Variants in PKHD1 observed in about 807,000 individuals in gnomAD.
PKHD1 encodes the protein PKHD1 ciliary IPT domain containing fibrocystin/polyductin.
A neutral mutation model predicts 412.0 loss-of-function variants in PKHD1; 291 were observed. The ratio of observed to expected loss-of-function variants is 0.71; its 90% CI spans 0.64 to 0.78. The LOEUF (loss-of-function observed/expected upper bound fraction) is 0.78, where lower values mean the gene tolerates loss of function less well. PKHD1 is among the 30% of genes least tolerant of loss of function. The pLI is 0.00. For missense variants in PKHD1, 4,825 were observed against 4,950.7 expected, an observed-to-expected ratio of 0.97 and a Z score of 0.76; for synonymous variants, 1,777 against 1,821.5, an observed-to-expected ratio of 0.98 and a Z score of 0.62.
chr6:52,081,099 C>T (rs961584933), intron 4 of PKHD1, among the ~76,000 whole-genome samples: 8 of 151,970 alleles, frequency 5.3e-5, no homozygotes, highest in Admixed American at 2.0e-4. Context: ...ATTTGTCTTC[C>T]AATCAATTAG....
At chr6:51,671,154 G>A (rs9381999) in intron 60 of PKHD1, among the ~76,000 whole-genome samples, 75,553 of 151,690 alleles carry the variant, frequency 0.5, 21,566 homozygotes, top group Non-Finnish European at 0.65. Flanking sequence ...TTCCAACTTG[G>A]TTCCATTCTC....
At chr6:52,068,116 C>T (rs1810029999) in intron 11 of PKHD1, among the ~76,000 whole-genome samples, 1 of 152,176 alleles carries the variant, frequency 6.6e-6, no homozygotes, top group African/African-American at 2.4e-5. Flanking sequence ...TCTTGCTCCT[C>T]TACCTCTTTA....
intron 25 of PKHD1, among the ~76,000 whole-genome samples, chr6:52,044,570 A>T (rs574160165): frequency 2.6e-5 from 4 of 152,264 alleles, no homozygotes; most frequent in East Asian, 3.9e-4. Flanking sequence ...AACTTTATCA[A>T]ATTGAAAGTA....
At chr6:51,780,812 A>G (rs1267591011) in intron 53 of PKHD1, among the ~76,000 whole-genome samples, 1 of 152,158 alleles carries the variant, frequency 6.6e-6, no homozygotes, top group African/African-American at 2.4e-5. Context: ...TGATCAAAAG[A>G]GGGGAAACTG....
chr6:51,834,202 G>C (rs1053629646), intron 51 of PKHD1, among the ~76,000 whole-genome samples: 4 of 152,126 alleles, frequency 2.6e-5, no homozygotes, highest in African/African-American at 9.7e-5. Context: ...AAGCCAGTAA[G>C]GAAAGAAAGG....
chr6:51,638,799 CAAAAA>C, intron 64 of PKHD1, 45 bp downstream of exon 64: 8 of 847,834 alleles, frequency 9.4e-6, no homozygotes, highest in Non-Finnish European at 9.1e-6. Context: ...ATTATCTTCT[CAAAAA>C]AAAAAAAAAA....
chr6:51,615,715 T>C lies in PKHD1; in HGVS notation c.*3366A>G, dbSNP rs1410079127. 6.6e-6 allele frequency: 1 copy of C among 152,234 alleles called. No individual in the cohort carries two copies. Among genetic ancestry groups the C allele is most frequent in the East Asian group, 1.9e-4 (1 of 5,200 alleles). 9.4% of individuals were successfully genotyped at this position (152,234 alleles called of 1,614,324 possible). ...CATTTCAATGTATAGTAATTTCATATATTTGGAGTAAGACTGATAGATGGA... is the reference window on the plus strand; with the variant it reads ...CATTTCAATGTATAGTAATTTCATACATTTGGAGTAAGACTGATAGATGGA... On this transcript the variant is annotated 3_prime_UTR_variant, in exon 67 of 67. Transcript: ENST00000371117.
At chr6:52,074,189 T>A (rs776966797) in intron 6 of PKHD1, among the ~76,000 whole-genome samples, 1 of 152,218 alleles carries the variant, frequency 6.6e-6, no homozygotes, top group Non-Finnish European at 1.5e-5. Flanking sequence ...CATGAGGTCA[T>A]GAAATCCAGA....
At chr6:51,884,126 T>A (rs778167368) in intron 45 of PKHD1, among the ~76,000 whole-genome samples, 1 of 152,212 alleles carries the variant, frequency 6.6e-6, no homozygotes, top group East Asian at 1.9e-4. Flanking sequence ...GTTTACGTCT[T>A]TGACCAATTT....
intron 51 of PKHD1, 105 bp from the exon 52 acceptor site, chr6:51,831,094 G>A: frequency 1.3e-6 from 1 of 787,000 alleles, no homozygotes; most frequent in Admixed American, 2.1e-5. Flanking sequence ...CAAAGAAGCT[G>A]CCTATCAATA....
Position 51,720,491 on chromosome 6 carries a change from A to C in PKHD1, c.10156+23894T>G, listed in dbSNP as rs143351960. On this transcript the variant is annotated intron_variant, in intron 60 of 66. Transcript: ENST00000371117. ...GGGTTTCCACACAGACTGCTCACTC[A>C]GCTGTGAGTGGAAGTGGAAAGCGTT... 5.9e-4 allele frequency among the ~76,000 whole-genome samples: 90 copies of C among 152,226 alleles called. 1 individual carries two copies. In the East Asian group the frequency reaches 0.017, roughly 28 times the overall value.
rs1809305983 is a variant in PKHD1, at chr6:52,064,980, A to G, written c.951T>C (p.Asp317=). The change falls in exon 13 of 67, where the codon GAT becomes GAC. Residue 317 remains aspartate (D), a synonymous_variant. Transcript: ENST00000371117. ...CTGGCTGAGGGGTGGTGAGCCTCAC[A>G]TCTTTTCCTGGAGCCCGAGTGGTGC... ...IECTTRAPGK[D]VRLTTPQPGN... is the part of the protein sequence containing the mutation. 1 of 1,602,500 alleles carries G rather than the reference A, an allele frequency of 6.2e-7. No individual in the cohort carries two copies. Among genetic ancestry groups the G allele is most frequent in the Non-Finnish European group, 8.5e-7 (1 of 1,174,878 alleles).
intron 60 of PKHD1, among the ~76,000 whole-genome samples, chr6:51,680,364 T>A (rs1289081931): frequency 1.3e-5 from 2 of 152,040 alleles, no homozygotes; most frequent in Non-Finnish European, 2.9e-5. Context: ...AATTTTTTCT[T>A]ATATGAAGGT....
At chr6:51,844,828 A>G (rs1302541559) in intron 50 of PKHD1, among the ~76,000 whole-genome samples, 1 of 152,172 alleles carries the variant, frequency 6.6e-6, no homozygotes. Context: ...CACACCCCCA[A>G]AAAAATCTAA....
intron 29 of PKHD1, 60 bp downstream of exon 29, chr6:52,032,970 C>T: frequency 7.0e-7 from 1 of 1,430,986 alleles, no homozygotes; most frequent in Non-Finnish European, 9.9e-7. Context: ...ACATTGATTG[C>T]CCTTTTTATA....
At chr6:51,984,250 T>C (rs1795943194) in intron 35 of PKHD1, among the ~76,000 whole-genome samples, 1 of 152,222 alleles carries the variant, frequency 6.6e-6, no homozygotes, top group South Asian at 2.1e-4. Context: ...CCTGAAAGAT[T>C]GCATGGATTC....
At chr6:52,069,036 A>G (rs189906055) in intron 11 of PKHD1, among the ~76,000 whole-genome samples, 5 of 152,306 alleles carry the variant, frequency 3.3e-5, no homozygotes. Context: ...TTTTAGTATG[A>G]GGGTTTACTC....
At chr6:51,915,808 T>A (rs540896582) in intron 37 of PKHD1, among the ~76,000 whole-genome samples, 1 of 151,960 alleles carries the variant, frequency 6.6e-6, no homozygotes, top group South Asian at 2.1e-4. Flanking sequence ...GAAAAGAACA[T>A]GAAAGATGCC....
chr6:51,870,513 G>T lies in PKHD1; in HGVS notation c.7477C>A (p.Gln2493Lys), dbSNP rs540449958. The change falls in exon 47 of 67, where the codon CAA (glutamine) becomes AAA (lysine). Residue 2493 changes from glutamine to lysine, a missense_variant. Coordinates refer to ENST00000371117, the MANE Select transcript of PKHD1 (RefSeq NM_138694.4). ...CTATTCAAATAATTACCTTGTCCTT[G>T]GGAACAGTCTGAACAGGTTCTAATG... ...VAIRTCSDCS[Q>K]GQGGFTVKTS... is the part of the protein sequence containing the mutation. 1 of 1,611,450 alleles carries T rather than the reference G, an allele frequency of 6.2e-7. No individual in the cohort carries two copies. The highest frequency in any genetic ancestry group is 8.5e-7 in the Non-Finnish European group (1 of 1,177,834).
Sources: allele counts gnomAD v4.1 joint callset (sites outside exome capture counted in the v4.1 genomes callset), GRCh38; gene constraint gnomAD v4.1.1; transcripts MANE v1.5; gene names NCBI Gene and HGNC (gene_info 2026-07-23, HGNC 2026-07-21).